Variants in PAN3 observed in about 807,000 individuals in gnomAD.
PAN3 encodes PAN2-PAN3 deadenylation complex subunit PAN3.
A neutral mutation model predicts 96.2 loss-of-function variants in PAN3; 19 were observed. The ratio of observed to expected loss-of-function variants is 0.20; its 90% CI spans 0.14 to 0.29. The LOEUF (loss-of-function observed/expected upper bound fraction) is 0.29, where lower values mean the gene tolerates loss of function less well. Among genes scored for constraint, PAN3 ranks in the 10% least tolerant of loss-of-function variants. The pLI is 1.00. For missense variants in PAN3, 882 were observed against 1,108.1 expected, an observed-to-expected ratio of 0.80 and a Z score of 2.90; for synonymous variants, 433 against 406.6, an observed-to-expected ratio of 1.06 and a Z score of -0.78.
chr13:28,229,336 T>C (rs951255851), intron 6 of PAN3, among the ~76,000 whole-genome samples: 6 of 152,318 alleles, frequency 3.9e-5, no homozygotes, highest in Admixed American at 2.0e-4. Flanking sequence ...CTTGAATTTT[T>C]TGGGTATCAG....
intron 1 of PAN3, among the ~76,000 whole-genome samples, chr13:28,151,669 A>G (rs1476014958): frequency 6.6e-6 from 1 of 152,228 alleles, no homozygotes. Flanking sequence ...TTTTCCAGGT[A>G]GAGCCAATAT....
chr13:28,213,216 G>T (rs548932371), intron 5 of PAN3, among the ~76,000 whole-genome samples: 3 of 152,160 alleles, frequency 2.0e-5, no homozygotes, highest in Admixed American at 6.5e-5. Context: ...ATTTCATTAG[G>T]TATAAGTAAT....
chr13:28,223,342 A>G (rs1243757723), intron 6 of PAN3, among the ~76,000 whole-genome samples: 1 of 152,170 alleles, frequency 6.6e-6, no homozygotes, highest in Non-Finnish European at 1.5e-5. Context: ...TTTGTTATGC[A>G]TATTGAACCT....
chr13:28,264,688 GTTC>G (rs1175937286), intron 9 of PAN3, among the ~76,000 whole-genome samples: 1 of 152,108 alleles, frequency 6.6e-6, no homozygotes, highest in African/African-American at 2.4e-5. Context: ...GAATTGCTCT[GTTC>G]TTTGTATTTT....
chr13:28,194,300 A>G (rs1877695634), intron 4 of PAN3, among the ~76,000 whole-genome samples: 1 of 151,602 alleles, frequency 6.6e-6, no homozygotes, highest in African/African-American at 2.4e-5. Context: ...TCATTTGACA[A>G]CCTGAGATTT....
intron 1 of PAN3, among the ~76,000 whole-genome samples, chr13:28,152,702 G>A (rs912369688): frequency 1.3e-5 from 2 of 152,160 alleles, no homozygotes; most frequent in Non-Finnish European, 2.9e-5. Flanking sequence ...GGTTAGGTTA[G>A]CATGGAGCTG....
chr13:28,281,194 G>GA (rs1887445759), intron 16 of PAN3, 121 bp from the exon 17 acceptor site: 2 of 702,550 alleles, frequency 2.8e-6, no homozygotes, highest in Non-Finnish European at 4.9e-6. Flanking sequence ...AAAAGGTGGG[G>GA]ATGTTAGGAT....
intron 1 of PAN3, among the ~76,000 whole-genome samples, chr13:28,147,624 T>C (rs565842866): frequency 1.4e-4 from 21 of 152,324 alleles, no homozygotes; most frequent in Admixed American, 9.8e-4. Context: ...AGCTGTAGCC[T>C]GCTGCCATTG....
intron 6 of PAN3, among the ~76,000 whole-genome samples, chr13:28,250,321 G>T (rs1884601480): frequency 6.6e-6 from 1 of 151,472 alleles, no homozygotes; most frequent in Non-Finnish European, 1.5e-5. Flanking sequence ...TCAGCCTCTT[G>T]AGTAGCTGGG....
intron 1 of PAN3, among the ~76,000 whole-genome samples, chr13:28,153,881 A>C (rs565322095): frequency 1.3e-5 from 2 of 152,238 alleles, no homozygotes; most frequent in Non-Finnish European, 2.9e-5. Flanking sequence ...TTATGTGACA[A>C]GTAAGCTGGT....
chr13:28,189,965 CAG>C (rs1877027908), intron 4 of PAN3, among the ~76,000 whole-genome samples: 1 of 152,126 alleles, frequency 6.6e-6, no homozygotes, highest in African/African-American at 2.4e-5. Flanking sequence ...ACTTTTGAGA[CAG>C]AGTCTTGCTC....
chr13:28,238,379 A>C (rs1039182642), intron 6 of PAN3, among the ~76,000 whole-genome samples: 4 of 152,236 alleles, frequency 2.6e-5, no homozygotes, highest in African/African-American at 9.6e-5. Context: ...GTGAGGAATC[A>C]ATAAGGCATT....
intron 17 of PAN3, among the ~76,000 whole-genome samples, chr13:28,285,783 T>C (rs1379150500): frequency 6.6e-6 from 1 of 152,208 alleles, no homozygotes; most frequent in East Asian, 1.9e-4. Flanking sequence ...AAATTTCTGC[T>C]ATCATATTTT....
intron 15 of PAN3, among the ~76,000 whole-genome samples, chr13:28,278,636 A>C (rs1887235071): frequency 6.6e-6 from 1 of 152,222 alleles, no homozygotes; most frequent in Admixed American, 6.5e-5. Flanking sequence ...TTTATGGAGT[A>C]ATTAAACCAT....
intron 6 of PAN3, among the ~76,000 whole-genome samples, chr13:28,250,620 G>T (rs1191300742): frequency 6.6e-6 from 1 of 152,108 alleles, no homozygotes; most frequent in African/African-American, 2.4e-5. Flanking sequence ...ACCCGCCTCG[G>T]CCTCCCAAAG....
chr13:28,208,055 C>G (rs954817026), intron 5 of PAN3, among the ~76,000 whole-genome samples: 1 of 152,094 alleles, frequency 6.6e-6, no homozygotes, highest in Non-Finnish European at 1.5e-5. Context: ...TAATGCTTTA[C>G]ATATTTTTGT....
chr13:28,283,621 T>C (rs1868570699), intron 17 of PAN3, among the ~76,000 whole-genome samples: 1 of 152,228 alleles, frequency 6.6e-6, no homozygotes. Flanking sequence ...ACAGCGTGTT[T>C]TAGAAATCTT....
intron 6 of PAN3, among the ~76,000 whole-genome samples, chr13:28,238,517 G>A (rs543128754): frequency 1.3e-5 from 2 of 152,248 alleles, no homozygotes; most frequent in African/African-American, 4.8e-5. Context: ...GAGCTCTTAG[G>A]CACTGAGTTT....
intron 4 of PAN3, among the ~76,000 whole-genome samples, chr13:28,192,796 G>C (rs1432079557): frequency 1.3e-5 from 2 of 151,694 alleles, no homozygotes; most frequent in Non-Finnish European, 2.9e-5. Flanking sequence ...TTTTCTTCAG[G>C]GATTAATTAG....
Sources: allele counts gnomAD v4.1 joint callset (sites outside exome capture counted in the v4.1 genomes callset), GRCh38; gene constraint gnomAD v4.1.1; transcripts MANE v1.5; gene names NCBI Gene and HGNC (gene_info 2026-07-23, HGNC 2026-07-21).